The following CADM2 variants were observed in gnomAD, a reference collection of about 807,000 sequenced individuals.
CADM2 encodes cell adhesion molecule 2, also known as immunoglobulin superfamily member 4D.
In CADM2, 12 loss-of-function variants were observed where a neutral mutation model predicts 49.8. The observed-to-expected ratio is 0.24, with a 90% CI of 0.15 to 0.39. The LOEUF is 0.39. CADM2 is among the 10% of genes least tolerant of loss of function. CADM2 has a pLI of 1.00. For synonymous variants in CADM2, 214 were observed against 175.4 expected (o/e 1.22, Z -1.74); for missense variants, 378 against 492.3 (o/e 0.77, Z 2.20).
chr3:86,012,116 G>A (rs529507601), intron 8 of CADM2, among the ~76,000 whole-genome samples: 1 of 152,116 alleles, frequency 6.6e-6, no homozygotes, highest in South Asian at 2.1e-4. Flanking sequence ...CCAGCATTCT[G>A]TTAAATACAT....
At chr3:85,819,474 A>G (rs2073417566) in intron 3 of CADM2, among the ~76,000 whole-genome samples, 1 of 152,200 alleles carries the variant, frequency 6.6e-6, no homozygotes, top group African/African-American at 2.4e-5. Context: ...GATATAGTTA[A>G]GCAACAAAAA....
chr3:85,280,926 A>G (rs1266363486), intron 1 of CADM2, among the ~76,000 whole-genome samples: 2 of 151,908 alleles, frequency 1.3e-5, no homozygotes, highest in African/African-American at 4.8e-5. Context: ...GCCAAAGATG[A>G]AGTAAAATAA....
intron 8 of CADM2, among the ~76,000 whole-genome samples, chr3:86,048,259 T>C (rs964253197): frequency 1.3e-5 from 2 of 152,060 alleles, no homozygotes; most frequent in Admixed American, 6.6e-5. Context: ...TATATACGTG[T>C]GTATATATAT....
intron 7 of CADM2, among the ~76,000 whole-genome samples, chr3:85,960,017 T>G (rs954192548): frequency 1.3e-4 from 19 of 151,916 alleles, no homozygotes; most frequent in Non-Finnish European, 2.4e-4. Context: ...ATTTCTGCTA[T>G]CACCACTATC....
intron 1 of CADM2, among the ~76,000 whole-genome samples, chr3:85,088,803 A>T (rs1375279088): frequency 1.3e-5 from 2 of 152,128 alleles, no homozygotes; most frequent in Non-Finnish European, 2.9e-5. Context: ...TTATTTGTCT[A>T]TTAAGAGATA....
intron 1 of CADM2, among the ~76,000 whole-genome samples, chr3:85,550,292 T>C (rs987746385): frequency 1.3e-5 from 2 of 152,220 alleles, no homozygotes; most frequent in African/African-American, 4.8e-5. Flanking sequence ...TTGGTTCTGA[T>C]GTAGTTCAGT....
At chr3:85,067,306 T>C (rs1178999883) in intron 1 of CADM2, among the ~76,000 whole-genome samples, 1 of 152,080 alleles carries the variant, frequency 6.6e-6, no homozygotes, top group African/African-American at 2.4e-5. Context: ...TGTGTGTGTG[T>C]GTGGTTTTGT....
At chr3:85,698,874 T>C (rs2066653497) in intron 1 of CADM2, among the ~76,000 whole-genome samples, 1 of 152,112 alleles carries the variant, frequency 6.6e-6, no homozygotes, top group Non-Finnish European at 1.5e-5. Flanking sequence ...CCCAAAAGTC[T>C]TAACTCATTT....
intron 1 of CADM2, among the ~76,000 whole-genome samples, chr3:85,445,040 A>G (rs966229750): frequency 6.6e-5 from 10 of 152,170 alleles, no homozygotes; most frequent in African/African-American, 2.4e-4. Flanking sequence ...TATCATGATC[A>G]TAACTATTAC....
chr3:85,676,948 T>C (rs966744201), intron 1 of CADM2, among the ~76,000 whole-genome samples: 1 of 152,164 alleles, frequency 6.6e-6, no homozygotes, highest in Admixed American at 6.6e-5. Context: ...CTATATTTCA[T>C]ATAGGGTGCT....
rs539249676 is a variant in CADM2 at position 85,399,769 on chromosome 3, T to G, written c.62-326753T>G. Among the ~76,000 whole-genome samples, 147 of 152,310 alleles carry G rather than the reference T, an allele frequency of 9.7e-4. 1 individual carries two copies. Among genetic ancestry groups the G allele is most frequent in the South Asian group, 4.1e-4 (2 of 4,824 alleles). On this transcript the variant is annotated intron_variant, in intron 1 of 9. Coordinates refer to ENST00000383699, the MANE Select transcript of CADM2 (RefSeq NM_001167675.2). ...AATGGGAGTTCACTCATGATTTGGC[T>G]CTCTGTTATTGGTGTATAAGAATGC...
intron 2 of CADM2, chr3:85,800,793 A>C (rs1236782244): frequency 1.3e-5 from 2 of 152,242 alleles, no homozygotes. Flanking sequence ...GAAATGCAGA[A>C]ATCACCCACC....
intron 1 of CADM2, among the ~76,000 whole-genome samples, chr3:85,683,787 G>T (rs1370678792): frequency 2.0e-5 from 3 of 152,170 alleles, no homozygotes; most frequent in Admixed American, 6.5e-5. Flanking sequence ...CAGTGGAAAA[G>T]TTAGCAGAAT....
chr3:85,744,487 C>T (rs1400504312), intron 2 of CADM2, among the ~76,000 whole-genome samples: 1 of 151,662 alleles, frequency 6.6e-6, no homozygotes, highest in East Asian at 1.9e-4. Flanking sequence ...TAAACATATA[C>T]ATCTGCCATG....
intron 8 of CADM2, 57 bp from the exon 9 acceptor site, chr3:86,065,548 T>C (rs1739202741): frequency 1.0e-5 from 16 of 1,545,576 alleles, no homozygotes; most frequent in Admixed American, 4.0e-5. Flanking sequence ...AATGCAGTTA[T>C]GTATTCTGTG....
At chr3:86,017,364 T>C (rs1732409554) in intron 8 of CADM2, among the ~76,000 whole-genome samples, 1 of 151,986 alleles carries the variant, frequency 6.6e-6, no homozygotes, top group African/African-American at 2.4e-5. Context: ...CTCAAAATTA[T>C]TTGATTTCTG....
At chr3:85,604,652 T>C (rs981137467) in intron 1 of CADM2, among the ~76,000 whole-genome samples, 2 of 152,018 alleles carry the variant, frequency 1.3e-5, no homozygotes, top group Non-Finnish European at 2.9e-5. Context: ...GGGATCAATC[T>C]CATATCATAG....
chr3:85,643,742 A>G (rs2064801279), intron 1 of CADM2, among the ~76,000 whole-genome samples: 1 of 152,156 alleles, frequency 6.6e-6, no homozygotes, highest in African/African-American at 2.4e-5. Flanking sequence ...ATGAGAATAA[A>G]GGTTTCTGTC....
chr3:85,316,467 C>T (rs1475942733), intron 1 of CADM2, among the ~76,000 whole-genome samples: 1 of 152,066 alleles, frequency 6.6e-6, no homozygotes, highest in East Asian at 1.9e-4. Flanking sequence ...GTTTTATTTT[C>T]ACTGTGGCTT....
Sources: allele counts gnomAD v4.1 joint callset (sites outside exome capture counted in the v4.1 genomes callset), GRCh38; gene constraint gnomAD v4.1.1; transcripts MANE v1.5; gene names NCBI Gene and HGNC (gene_info 2026-07-23, HGNC 2026-07-21).